Variants in CABYR observed in about 807,000 individuals in gnomAD.
CABYR encodes the protein calcium-binding tyrosine phosphorylation-regulated protein.
A neutral mutation model predicts 36.1 loss-of-function variants in CABYR; 31 were observed. The observed-to-expected ratio is 0.86, with a 90% CI of 0.64 to 1.16. CABYR has a LOEUF of 1.16. CABYR is among the 50% of genes most tolerant of loss of function. CABYR has a pLI of 0.00. For synonymous variants in CABYR, 146 were observed against 160.7 expected (o/e 0.91, Z 0.69); for missense variants, 429 against 455.8 (o/e 0.94, Z 0.53).
intron 5 of CABYR, 35 bp downstream of exon 5, chr18:24,160,104 T>A (rs1567906021): frequency 7.5e-7 from 1 of 1,330,548 alleles, no homozygotes; most frequent in Non-Finnish European, 1.1e-6. Flanking sequence ...ATTTAGGCCT[T>A]AACACACGCG....
At chr18:24,143,764 G>A in intron 3 of CABYR, among the ~76,000 whole-genome samples, 1 of 152,080 alleles carries the variant, frequency 6.6e-6, no homozygotes, top group Non-Finnish European at 1.5e-5. Context: ...TTGAACTCCT[G>A]GATGCAAGTG....
intron 3 of CABYR, among the ~76,000 whole-genome samples, chr18:24,153,533 C>T (rs760828717): frequency 2.0e-5 from 3 of 152,140 alleles, no homozygotes; most frequent in Admixed American, 1.3e-4. Context: ...TACATTCTTA[C>T]CAGCTGGTGT....
intron 2 of CABYR, 40 bp from the exon 3 acceptor site, chr18:24,143,320 T>C (rs1264051924): frequency 6.3e-7 from 1 of 1,596,460 alleles, no homozygotes; most frequent in African/African-American, 1.3e-5. Context: ...GTTAGGAATT[T>C]CATGTATCTG....
At chr18:24,142,986 TC>T (rs1364930612) in intron 1 of CABYR, 104 bp from the exon 2 acceptor site, 2 of 741,664 alleles carry the variant, frequency 2.7e-6, no homozygotes, top group African/African-American at 4.1e-5. Flanking sequence ...TGAGCTGAGA[TC>T]ACGCCACTGC....
chr18:24,150,100 C>T (rs566346453), intron 3 of CABYR, among the ~76,000 whole-genome samples: 38 of 152,364 alleles, frequency 2.5e-4, no homozygotes, highest in African/African-American at 7.5e-4. Context: ...GACTGCAGCA[C>T]GCTGTCACTT....
intron 4 of CABYR, among the ~76,000 whole-genome samples, chr18:24,158,338 GA>G (rs2085851787): frequency 6.8e-6 from 1 of 146,262 alleles, no homozygotes; most frequent in Admixed American, 6.8e-5. Context: ...TTTTTTTTGA[GA>G]CGGAGTTTTG....
At chr18:24,140,969 C>G (rs1365774519) in intron 1 of CABYR, among the ~76,000 whole-genome samples, 1 of 152,100 alleles carries the variant, frequency 6.6e-6, no homozygotes, top group Non-Finnish European at 1.5e-5. Context: ...AGGTTGCTTC[C>G]AAATCTTAGC....
intron 3 of CABYR, among the ~76,000 whole-genome samples, chr18:24,149,454 C>T (rs1016156991): frequency 5.3e-5 from 8 of 152,152 alleles, no homozygotes; most frequent in African/African-American, 1.9e-4. Flanking sequence ...AGGTTCTCCA[C>T]GTCCCCACCA....
chr18:24,159,819 A>G lies in CABYR; in HGVS notation c.889A>G (p.Ile297Val), dbSNP rs369910521. 6 of 1,614,018 alleles carry G rather than the reference A, an allele frequency of 3.7e-6. No individual in the cohort carries two copies. The African/African-American group carries it at 6.7e-5, about 18-fold the overall frequency. ...GAGATATGTTGCAATGCAAGTGCCC[A>G]TTGCTGTTCCTGCAGATGAGAAATA... is the stretch of plus-strand genomic sequence containing the variant. ...VLRYVAMQVPIAVPADEKYQK... is the reference protein window; with the variant it reads ...VLRYVAMQVPVAVPADEKYQK... Residue 297 changes from isoleucine (I) to valine (V), a missense_variant, in exon 5 of 6, where the codon ATT becomes GTT. Ile to Val is a conservative substitution (Grantham distance 29). Coordinates refer to ENST00000399496, the MANE Select transcript of CABYR (RefSeq NM_153769.3).
intron 3 of CABYR, among the ~76,000 whole-genome samples, chr18:24,154,102 C>CAA (rs33985751): frequency 0.42 from 24,235 of 57,330 alleles, 7,100 homozygotes; most frequent in Middle Eastern, 0.56. Context: ...GACTCCATCT[C>CAA]AAAAAAAAAA....
At chr18:24,154,738 T>C (rs1348377514) in intron 3 of CABYR, among the ~76,000 whole-genome samples, 1 of 152,234 alleles carries the variant, frequency 6.6e-6, no homozygotes, top group African/African-American at 2.4e-5. Context: ...AGTTAATGAC[T>C]AAGGTAGTTA....
Position 24,156,498 on chromosome 18 carries a change from T to C in CABYR, c.541+456T>C, listed in dbSNP as rs199676584. ...TGCTTGTCTTAAAGAAAATGAGCAGTCAAAAGAAAATGAGCAGTCACCACG... is the reference window on the plus strand; with the variant it reads ...TGCTTGTCTTAAAGAAAATGAGCAGCCAAAAGAAAATGAGCAGTCACCACG... On this transcript the variant is annotated intron_variant, in intron 4 of 5. Transcript: ENST00000399496. 1.1e-5 allele frequency: 18 copies of C among 1,613,490 alleles called. 1 individual carries two copies. Among genetic ancestry groups the C allele is most frequent in the Middle Eastern group, 3.3e-4 (2 of 6,080 alleles).
chr18:24,161,448 T>C (rs2085983854), intron 5 of CABYR, 68 bp from the exon 6 acceptor site: 1 of 772,346 alleles, frequency 1.3e-6, no homozygotes, highest in South Asian at 1.4e-5. Flanking sequence ...TCTAATCTTC[T>C]GCTCATTTCA....
intron 4 of CABYR, chr18:24,156,263 T>C (rs1406607627): frequency 6.2e-7 from 1 of 1,614,186 alleles, no homozygotes; most frequent in Admixed American, 1.7e-5. Context: ...AAAATGAGGC[T>C]GAACCATCAA....
At chr18:24,141,229 AAGATG>A (rs1232493962) in intron 1 of CABYR, among the ~76,000 whole-genome samples, 1 of 152,230 alleles carries the variant, frequency 6.6e-6, no homozygotes, top group African/African-American at 2.4e-5. Flanking sequence ...GACCTTTGGG[AAGATG>A]AGATGTGTTT....
At position 24,159,693 on chromosome 18, in the gene CABYR, A is replaced by T. The variant is rs1210090090; in HGVS notation, c.763A>T (p.Thr255Ser). ...TTATGTGATGGGCGACACCAAGAAG[A>T]CCAGTGCCCCACCTTTTATCTTAGT... Reference protein sequence around the residue: ...PTYVMGDTKKTSAPPFILVGS... With the variant: ...PTYVMGDTKKSSAPPFILVGS... Residue 255 changes from threonine to serine, a missense_variant, in exon 5 of 6, where the codon ACC (threonine) becomes TCC (serine). Coordinates refer to ENST00000399496, the MANE Select transcript of CABYR (RefSeq NM_153769.3). The T allele has an allele frequency of 1.9e-6, 3 of 1,614,010 alleles. No individual in the cohort carries two copies. Among genetic ancestry groups the T allele is most frequent in the Non-Finnish European group, 2.5e-6 (3 of 1,179,998 alleles).
chr18:24,143,945 T>A (rs2145854799), intron 3 of CABYR, among the ~76,000 whole-genome samples: 1 of 152,162 alleles, frequency 6.6e-6, no homozygotes, highest in Non-Finnish European at 1.5e-5. Context: ...TTGCCCAGGC[T>A]GGAGTGCAGT....
chr18:24,143,000 T>G (rs1005916636), intron 1 of CABYR, 91 bp from the exon 2 acceptor site: 84 of 960,524 alleles, frequency 8.7e-5, no homozygotes, highest in Non-Finnish European at 1.2e-4. Context: ...GCCACTGCAC[T>G]CCAGCCTGGG....
intron 4 of CABYR, among the ~76,000 whole-genome samples, chr18:24,157,241 A>G (rs1021380561): frequency 6.6e-6 from 1 of 152,144 alleles, no homozygotes; most frequent in African/African-American, 2.4e-5. Flanking sequence ...CTTTTGCGTT[A>G]TTCTTTTGGA....
Sources: gnomAD v4.1 joint callset for allele counts (sites outside exome capture counted in the v4.1 genomes callset) on GRCh38, gnomAD v4.1.1 for gene constraint, MANE v1.5 for transcripts, NCBI Gene and HGNC (gene_info 2026-07-23, HGNC 2026-07-21) for gene names.